The following KCNIP4 variants were observed in gnomAD, a reference collection of about 807,000 sequenced individuals.
KCNIP4 encodes Kv channel-interacting protein 4.
In KCNIP4, 12 loss-of-function variants were observed where a neutral mutation model predicts 34.0. The observed-to-expected ratio is 0.35, with a 90% CI of 0.23 to 0.57. The LOEUF (loss-of-function observed/expected upper bound fraction) is 0.57, where lower values mean the gene tolerates loss of function less well. KCNIP4 is among the 20% of genes least tolerant of loss of function. The pLI, the probability that KCNIP4 is intolerant of heterozygous loss-of-function variation, is 0.83. For synonymous variants in KCNIP4, 124 were observed against 102.2 expected (o/e 1.21, Z -1.29); for missense variants, 238 against 311.7 (o/e 0.76, Z 1.78).
At chr4:21,293,941 C>T (rs2109217754) in intron 1 of KCNIP4, among the ~76,000 whole-genome samples, 1 of 152,158 alleles carries the variant, frequency 6.6e-6, no homozygotes, top group African/African-American at 2.4e-5. Context: ...TGGTTGAGAG[C>T]CTTTGTTCTC....
intron 1 of KCNIP4, among the ~76,000 whole-genome samples, chr4:21,814,631 G>A (rs150158341): frequency 3.8e-4 from 58 of 152,156 alleles, no homozygotes; most frequent in Non-Finnish European, 6.9e-4. Context: ...ATACACTGAC[G>A]TACTTCTAGG....
intron 1 of KCNIP4, among the ~76,000 whole-genome samples, chr4:21,466,716 C>A (rs1383788250): frequency 6.6e-6 from 1 of 152,020 alleles, no homozygotes; most frequent in African/African-American, 2.4e-5. Flanking sequence ...ATACAAATGC[C>A]CCAGATAACG....
rs1445963337 is a variant in KCNIP4, at chr4:21,936,483, C to T, written c.61+12088G>A. ...GTCTCAGACATGTCTTTATTAGCAG[C>T]GTGAGAACAGACTAATACAAGAGGC... On this transcript the variant is annotated intron_variant, in intron 1 of 8. Transcript: ENST00000382152. Among the ~76,000 whole-genome samples the T allele has an allele frequency of 2.0e-5, 3 of 152,066 alleles. No individual in the cohort carries two copies. The East Asian group carries it at 5.8e-4, about 29-fold the overall frequency.
At chr4:21,142,997 G>GA (rs971885259) in intron 1 of KCNIP4, among the ~76,000 whole-genome samples, 17 of 151,088 alleles carry the variant, frequency 1.1e-4, no homozygotes, top group South Asian at 8.4e-4. Context: ...ATACCTGCAA[G>GA]AAAAAAAAAT....
intron 1 of KCNIP4, among the ~76,000 whole-genome samples, chr4:21,884,255 C>G (rs1240852081): frequency 6.6e-6 from 1 of 152,078 alleles, no homozygotes; most frequent in Non-Finnish European, 1.5e-5. Flanking sequence ...TGCAACATAA[C>G]ACTTCATTTC....
chr4:21,525,947 A>G (rs1375601553), intron 1 of KCNIP4, among the ~76,000 whole-genome samples: 1 of 152,170 alleles, frequency 6.6e-6, no homozygotes, highest in Non-Finnish European at 1.5e-5. Context: ...TACAACAAAG[A>G]AAAATAAGGC....
chr4:21,577,986 C>T (rs761116842), intron 1 of KCNIP4, among the ~76,000 whole-genome samples: 2 of 152,162 alleles, frequency 1.3e-5, no homozygotes, highest in South Asian at 4.1e-4. Flanking sequence ...TTGTTATCCA[C>T]ATTTTAGAAG....
chr4:21,732,741 G>A (rs1033899836), intron 1 of KCNIP4, among the ~76,000 whole-genome samples: 2 of 152,118 alleles, frequency 1.3e-5, no homozygotes, highest in African/African-American at 4.8e-5. Flanking sequence ...GGCATCAGGG[G>A]AAGGAGAATA....
Position 21,444,527 on chromosome 4 carries a change from C to T in KCNIP4, c.61+504044G>A, listed in dbSNP as rs180913948. Reference sequence around the variant, plus strand: ...TAAACAGAACCAATGACAAAAACCACATGATTATCTCAATAGATGCAGAAA... The same window carrying T: ...TAAACAGAACCAATGACAAAAACCATATGATTATCTCAATAGATGCAGAAA... On this transcript the variant is annotated intron_variant, in intron 1 of 8. Coordinates refer to ENST00000382152, the MANE Select transcript of KCNIP4 (RefSeq NM_025221.6). Among the ~76,000 whole-genome samples, 918 of 152,292 alleles carry T rather than the reference C, an allele frequency of 6.0e-3. 3 individuals carry two copies. Among genetic ancestry groups the T allele is most frequent in the Non-Finnish European group, 7.6e-3 (514 of 68,026 alleles).
At chr4:21,289,565 TCATC>T (rs1361022089) in intron 1 of KCNIP4, among the ~76,000 whole-genome samples, 1 of 152,200 alleles carries the variant, frequency 6.6e-6, no homozygotes, top group Non-Finnish European at 1.5e-5. Flanking sequence ...ATTATATGGA[TCATC>T]CCTAAGGACA....
At chr4:21,915,208 G>A (rs1228793963) in intron 1 of KCNIP4, among the ~76,000 whole-genome samples, 1 of 152,100 alleles carries the variant, frequency 6.6e-6, no homozygotes, top group Non-Finnish European at 1.5e-5. Context: ...ACATGCCAGT[G>A]TTACAATAAA....
intron 1 of KCNIP4, among the ~76,000 whole-genome samples, chr4:21,714,315 CCT>C (rs1028678158): frequency 2.6e-4 from 39 of 152,244 alleles, no homozygotes; most frequent in African/African-American, 9.1e-4. Context: ...TACAATCTCC[CCT>C]GATATTTCTC....
At chr4:21,337,649 A>T (rs1359094377) in intron 1 of KCNIP4, among the ~76,000 whole-genome samples, 1 of 152,178 alleles carries the variant, frequency 6.6e-6, no homozygotes, top group African/African-American at 2.4e-5. Flanking sequence ...AGAGGAAAAA[A>T]AATGCCTCCT....
At chr4:21,242,867 CAT>C (rs1394134718) in intron 1 of KCNIP4, among the ~76,000 whole-genome samples, 2 of 145,940 alleles carry the variant, frequency 1.4e-5, no homozygotes, top group East Asian at 2.1e-4. Context: ...CTTTCTCACA[CAT>C]GTGTGTGTAT....
chr4:20,732,111 T>C, intron 7 of KCNIP4, 43 bp from the exon 8 acceptor site: 1 of 1,360,258 alleles, frequency 7.4e-7, no homozygotes, highest in Non-Finnish European at 1.1e-6. Context: ...ACTTATCCCT[T>C]AATACCCTCA....
chr4:21,361,506 T>A (rs756605760), intron 1 of KCNIP4, among the ~76,000 whole-genome samples: 1 of 152,060 alleles, frequency 6.6e-6, no homozygotes, highest in African/African-American at 2.4e-5. Context: ...ATTACTCTTA[T>A]TAGTGTCTGG....
intron 3 of KCNIP4, among the ~76,000 whole-genome samples, chr4:20,775,277 T>A (rs1336076702): frequency 6.6e-6 from 1 of 152,040 alleles, no homozygotes. Flanking sequence ...TAAAAGTAAA[T>A]AAAAGCAAGC....
chr4:21,418,117 G>T (rs538963477), intron 1 of KCNIP4, among the ~76,000 whole-genome samples: 52 of 152,032 alleles, frequency 3.4e-4, no homozygotes, highest in Middle Eastern at 3.4e-3. Context: ...AAACTGTGAA[G>T]GCTCTGTGAT....
At chr4:21,147,939 C>CAGAAAAAAAAAAAAAAAAAAAAAAAA (rs1553945816) in intron 1 of KCNIP4, among the ~76,000 whole-genome samples, 1 of 31,014 alleles carries the variant, frequency 3.2e-5, no homozygotes, top group Non-Finnish European at 6.2e-5. Context: ...AACTCCGTCT[C>CAGAAAAAAAAAAAAAAAAAAAAAAAA]AAAAAAAAAA....
Sources: gnomAD v4.1 joint callset for allele counts (sites outside exome capture counted in the v4.1 genomes callset) on GRCh38, gnomAD v4.1.1 for gene constraint, MANE v1.5 for transcripts, NCBI Gene and HGNC (gene_info 2026-07-23, HGNC 2026-07-21) for gene names.